HOXB3: variants seen among roughly 807,000 people sequenced by gnomAD.
The protein encoded by HOXB3 is homeobox B3.
HOXB3 carries 17 observed loss-of-function variants against 29.2 expected under a neutral mutation model. The observed-to-expected ratio is 0.58, with a 90% CI of 0.40 to 0.87. HOXB3 has a LOEUF of 0.87. Among genes scored for constraint, HOXB3 ranks in the 40% least tolerant of loss-of-function variants. HOXB3 has a pLI of 0.00. For missense variants in HOXB3, 637 were observed against 616.3 expected, an observed-to-expected ratio of 1.03 and a Z score of -0.35; for synonymous variants, 317 against 285.9, an observed-to-expected ratio of 1.11 and a Z score of -1.10.
In HOXB3 at chr17:48,573,847, C is replaced by T; in HGVS notation, c.-257G>A. 1.4e-6 allele frequency: 1 copy of T among 702,298 alleles called. No individual in the cohort carries two copies. Among genetic ancestry groups the T allele is most frequent in the Non-Finnish European group, 2.6e-6 (1 of 384,816 alleles). 43.5% of individuals were successfully genotyped at this position (702,298 alleles called of 1,614,324 possible). On this transcript the variant is annotated 5_prime_UTR_variant, in exon 2 of 5. Transcript: ENST00000498678. ...CCCGGGCTTTGTTACCTTTGCGCCT[C>T]TCGCCTCCTCTCGCCCGAACTCTGC...
intron 3 of HOXB3, 200 bp downstream of exon 3, chr17:48,555,331 A>AGAGG (rs2068923397): frequency 3.9e-6 from 2 of 510,448 alleles, no homozygotes; most frequent in Admixed American, 3.6e-5. Flanking sequence ...GGGGAGAGAG[A>AGAGG]GAGGGAGAGA....
At chr17:48,578,281 G>A (rs777771326) in intron 1 of HOXB3, 1 of 1,612,242 alleles carries the variant, frequency 6.2e-7, no homozygotes, top group East Asian at 2.2e-5. Flanking sequence ...ACTTGGGGTC[G>A]ACATAGTTTG....
At position 48,554,632 on chromosome 17, in the gene HOXB3, C is replaced by T. The variant is rs2068888364; in HGVS notation, c.-159+899G>A. On this transcript the variant is annotated intron_variant, in intron 3 of 4. Transcript: ENST00000498678. This position sits in a 1 kb window ranked among gnomAD's most constrained non-coding sequence, Gnocchi z 4.1. Reference sequence around the variant, plus strand: ...CTGGCGACAAGCTACCAGCCACCTACGATGGCCCAAGGAGGCGAAGAAGAG... The same window carrying T: ...CTGGCGACAAGCTACCAGCCACCTATGATGGCCCAAGGAGGCGAAGAAGAG... The T allele has an allele frequency of 4.3e-6, 3 of 702,098 alleles. No homozygotes were observed. Among genetic ancestry groups the T allele is most frequent in the Non-Finnish European group, 5.2e-6 (2 of 384,752 alleles). The allele number at this position is 702,098 out of a possible 1,614,324, so 43.5% of individuals were successfully genotyped here.
intron 2 of HOXB3, among the ~76,000 whole-genome samples, chr17:48,566,358 GTC>G (rs947636558): frequency 2.0e-5 from 3 of 152,028 alleles, no homozygotes; most frequent in Non-Finnish European, 4.4e-5. Context: ...CTGGGGAAGA[GTC>G]TGTGCGTGTT....
chr17:48,579,816 AT>A, intron 1 of HOXB3: 1 of 457,854 alleles, frequency 2.2e-6, no homozygotes, highest in South Asian at 1.7e-5. Context: ...ATATATATAT[AT>A]TTTTTTCTTC....
chr17:48,551,966 A>G (rs2068767273), intron 4 of HOXB3, 61 bp downstream of exon 4: 1 of 1,483,432 alleles, frequency 6.7e-7, no homozygotes, highest in Non-Finnish European at 9.1e-7. Flanking sequence ...GGGTGCTAGA[A>G]TAACAGTGAC....
chr17:48,554,740 A>G lies in HOXB3; in HGVS notation c.-159+791T>C. 2.8e-6 allele frequency: 2 copies of G among 702,410 alleles called. No homozygotes were observed. Among genetic ancestry groups the G allele is most frequent in the South Asian group, 1.5e-5 (1 of 67,598 alleles). 43.5% of individuals were successfully genotyped at this position (702,410 alleles called of 1,614,324 possible). On this transcript the variant is annotated intron_variant, in intron 3 of 4. Coordinates refer to ENST00000498678, the MANE Select transcript of HOXB3 (RefSeq NM_001384749.1). The surrounding 1 kb of genome is among the most constrained non-coding windows in gnomAD (Gnocchi z 4.1). Reference sequence around the variant, plus strand: ...CCGAGGGCCGAGCCCCGCGGGCGGCAGCAAGTTTTGGGAGCTGGAGGTAAC... The same window carrying G: ...CCGAGGGCCGAGCCCCGCGGGCGGCGGCAAGTTTTGGGAGCTGGAGGTAAC...
At chr17:48,588,007 C>T (rs569551751) in intron 1 of HOXB3, among the ~76,000 whole-genome samples, 72 of 152,224 alleles carry the variant, frequency 4.7e-4, no homozygotes, top group Non-Finnish European at 7.9e-4. Context: ...GGAGAGAAAG[C>T]AGGTGGGAGA....
chr17:48,561,518 A>G (rs2069198231), intron 2 of HOXB3, among the ~76,000 whole-genome samples: 1 of 152,256 alleles, frequency 6.6e-6, no homozygotes, highest in South Asian at 2.1e-4. Flanking sequence ...TTGCAAATAA[A>G]CATGCAGTAA....
chr17:48,577,925 G>A, intron 1 of HOXB3: 1 of 1,371,268 alleles, frequency 7.3e-7, no homozygotes, highest in Non-Finnish European at 9.5e-7. Flanking sequence ...CGCGGAGTGG[G>A]ACGGGCTGGG....
intron 1 of HOXB3, chr17:48,578,013 G>T: frequency 7.8e-7 from 1 of 1,274,772 alleles, no homozygotes; most frequent in Non-Finnish European, 9.9e-7. Context: ...GGCTCCGGGA[G>T]GAGGGCCCCG....
rs538838236 is a variant in HOXB3 at position 48,580,547 on chromosome 17, C to G, written c.-424-6533G>C. 7.0e-4 allele frequency: 106 copies of G among 152,064 alleles called. 2 individuals carry two copies. The highest frequency in any genetic ancestry group is 2.1e-3 in the African/African-American group (85 of 41,436). 9.4% of individuals were successfully genotyped at this position (152,064 alleles called of 1,614,324 possible). On this transcript the variant is annotated intron_variant, in intron 1 of 4. Coordinates refer to ENST00000498678, the MANE Select transcript of HOXB3 (RefSeq NM_001384749.1). ...AGCTGTAAAGAAAAATGCTGGGAGA[C>G]CAAGCAGATGGGGCCCCGGATATTT...
chr17:48,553,733 CTT>C (rs748523773), intron 3 of HOXB3: 1 of 152,042 alleles, frequency 6.6e-6, no homozygotes, highest in Non-Finnish European at 1.5e-5. Context: ...TTAATACAGC[CTT>C]TTAAAAGTGT....
In HOXB3 at chr17:48,552,058, C is replaced by T. The variant is rs778521523; in HGVS notation, c.417G>A (p.Thr139=). Residue 139 remains threonine (T), a synonymous_variant, in exon 4 of 5, where the codon ACG becomes ACA. Coordinates refer to ENST00000498678, the MANE Select transcript of HOXB3 (RefSeq NM_001384749.1). ...CGGGGGAGTTGTTTTTCAGCTTGGACGTTTGCCTCGACTCTTTCATCCAGG... is the reference window on the plus strand; with the variant it reads ...CGGGGGAGTTGTTTTTCAGCTTGGATGTTTGCCTCGACTCTTTCATCCAGG... The part of the protein sequence containing the change: ...IFPWMKESRQ[T]SKLKNNSPGT... 2 of 1,594,344 alleles carry T rather than the reference C, an allele frequency of 1.3e-6. No homozygotes were observed. The highest frequency in any genetic ancestry group is 2.3e-5 in the South Asian group (2 of 88,650).
intron 1 of HOXB3, chr17:48,582,498 CT>C (rs1296740722): frequency 1.3e-5 from 2 of 152,138 alleles, no homozygotes; most frequent in African/African-American, 2.4e-5. Context: ...TAATCTCATA[CT>C]TTGGCAGTCT....
chr17:48,575,486 T>C (rs1253750481), intron 1 of HOXB3: 1 of 152,268 alleles, frequency 6.6e-6, no homozygotes, highest in Non-Finnish European at 1.5e-5. Flanking sequence ...TTTACGCCAA[T>C]GTTTCAACAA....
rs536576966 is a variant in HOXB3 at position 48,587,723 on chromosome 17, GC to G, written c.-425+2401del. ...GAAATATGGGCACTTGGAACTCCAG[GC>G]CCAGCTGGCTTTCCTGTTTACACTT... On this transcript the variant is annotated intron_variant, in intron 1 of 4. Coordinates refer to ENST00000498678, the MANE Select transcript of HOXB3 (RefSeq NM_001384749.1). Among the ~76,000 whole-genome samples the G allele has an allele frequency of 1.7e-4, 26 of 152,298 alleles. No homozygotes were observed. The East Asian group carries it at 5.0e-3, about 29-fold the overall frequency.
intron 1 of HOXB3, among the ~76,000 whole-genome samples, chr17:48,585,915 T>C (rs1462379458): frequency 6.6e-6 from 1 of 152,180 alleles, no homozygotes; most frequent in Non-Finnish European, 1.5e-5. Flanking sequence ...GGGTCATCTT[T>C]TGGTAAGGCA....
intron 2 of HOXB3, among the ~76,000 whole-genome samples, chr17:48,562,279 C>T (rs928249860): frequency 1.3e-5 from 2 of 152,140 alleles, no homozygotes; most frequent in Non-Finnish European, 2.9e-5. Context: ...CCCTCTCACC[C>T]GACCCCCTCC....
Sources: gnomAD v4.1 joint callset for allele counts (sites outside exome capture counted in the v4.1 genomes callset) on GRCh38, gnomAD v4.1.1 for gene constraint, Gnocchi (gnomAD v3.1) non-coding constraint, MANE v1.5 for transcripts, NCBI Gene and HGNC (gene_info 2026-07-23, HGNC 2026-07-21) for gene names.